The following TBC1D19 variants were observed in gnomAD, a reference collection of about 807,000 sequenced individuals.
The protein encoded by TBC1D19 is TBC1 domain family member 19.
A neutral mutation model predicts 89.0 loss-of-function variants in TBC1D19; 60 were observed. That is an observed-to-expected ratio of 0.67 (90% confidence interval 0.55 to 0.84). The LOEUF is 0.84. TBC1D19 is among the 40% of genes least tolerant of loss of function. The pLI is 0.00. For synonymous variants in TBC1D19, 189 were observed against 199.7 expected (o/e 0.95, Z 0.45); for missense variants, 500 against 610.8 (o/e 0.82, Z 1.91).
chr4:26,797,745 C>T, the TBC1D19 span, among the ~76,000 whole-genome samples: 1 of 152,040 alleles, frequency 6.6e-6, no homozygotes, highest in African/African-American at 2.4e-5. Flanking sequence ...AAGCCACATA[C>T]CTACATGTAA....
At chr4:26,712,711 A>C (rs544358439) in intron 13 of TBC1D19, among the ~76,000 whole-genome samples, 28 of 152,194 alleles carry the variant, frequency 1.8e-4, no homozygotes, top group African/African-American at 6.5e-4. Context: ...TATCTAGTGA[A>C]GGTCTTATGC....
At chr4:26,819,256 G>T in the TBC1D19 span, among the ~76,000 whole-genome samples, 1 of 152,202 alleles carries the variant, frequency 6.6e-6, no homozygotes. Flanking sequence ...TGAAGTTTGG[G>T]CACCAGTGGG....
At chr4:26,627,039 C>G (rs554079255) in intron 4 of TBC1D19, among the ~76,000 whole-genome samples, 3 of 152,020 alleles carry the variant, frequency 2.0e-5, no homozygotes, top group African/African-American at 7.2e-5. Flanking sequence ...TCCCTCCCCC[C>G]TCCGCCCACC....
rs376524415 is a variant in TBC1D19, at chr4:26,666,424, G to A, written c.664+19G>A. 2.4e-5 allele frequency: 39 copies of A among 1,594,482 alleles called. No individual in the cohort carries two copies. The highest frequency in any genetic ancestry group is 1.0e-4 in the South Asian group (9 of 89,214). On this transcript the variant is annotated intron_variant, in intron 9 of 20. Transcript: ENST00000264866. ...CCTCCTGGTTAGTATTTTTCCAACG[G>A]CATATAATTAATGATAAATGAGAGT...
At chr4:26,645,735 A>G (rs952262679) in intron 7 of TBC1D19, among the ~76,000 whole-genome samples, 19 of 152,234 alleles carry the variant, frequency 1.2e-4, no homozygotes, top group Non-Finnish European at 2.4e-4. Flanking sequence ...AGAATGGGAG[A>G]AAATTTTTGC....
At chr4:26,626,358 T>C (rs957111330) in intron 4 of TBC1D19, among the ~76,000 whole-genome samples, 1 of 152,152 alleles carries the variant, frequency 6.6e-6, no homozygotes, top group African/African-American at 2.4e-5. Flanking sequence ...ACATACAGTG[T>C]GATAAATATA....
Position 26,659,288 on chromosome 4 carries a change from AATC to A in TBC1D19, c.481-307_481-305del, listed in dbSNP as rs764609356. Among the ~76,000 whole-genome samples the A allele has an allele frequency of 1.7e-3, 253 of 152,264 alleles. 1 individual carries two copies. The highest frequency in any genetic ancestry group is 0.01 in the Middle Eastern group (3 of 294). ...ATCACCTTCTCTGGTAAAGTGTTAT[AATC>A]AAGCAATTTTTATTTTTTCTAACCA... On this transcript the variant is annotated intron_variant, in intron 7 of 20. Transcript: ENST00000264866.
At chr4:26,831,739 T>C in the TBC1D19 span, among the ~76,000 whole-genome samples, 2 of 152,120 alleles carry the variant, frequency 1.3e-5, no homozygotes, top group East Asian at 3.9e-4. Context: ...CATAGGTGCA[T>C]GCCACCACGC....
chr4:26,700,901 A>T (rs891360923), intron 13 of TBC1D19, among the ~76,000 whole-genome samples: 1 of 152,128 alleles, frequency 6.6e-6, no homozygotes, highest in Non-Finnish European at 1.5e-5. Context: ...TCTTTTAAAA[A>T]CACTAATCAA....
the TBC1D19 span, among the ~76,000 whole-genome samples, chr4:26,842,582 C>CCCTTCCTTTCTTTCTTTCTT: frequency 2.1e-4 from 20 of 95,460 alleles, no homozygotes; most frequent in Non-Finnish European, 4.1e-4. Context: ...CTTCCTCCCT[C>CCCTTCCTTTCTTTCTTTCTT]CCTTTCTTTC....
chr4:26,698,053 G>A (rs577815504), intron 13 of TBC1D19, among the ~76,000 whole-genome samples: 1 of 152,260 alleles, frequency 6.6e-6, no homozygotes, highest in South Asian at 2.1e-4. Flanking sequence ...ATTCAATTAG[G>A]AAAAGAGGAA....
At chr4:26,603,596 A>G (rs1350064474) in intron 1 of TBC1D19, among the ~76,000 whole-genome samples, 1 of 152,196 alleles carries the variant, frequency 6.6e-6, no homozygotes, top group Non-Finnish European at 1.5e-5. Flanking sequence ...AACCAAAACA[A>G]CACAGTACCA....
At chr4:26,634,148 C>CT (rs905876141) in intron 4 of TBC1D19, among the ~76,000 whole-genome samples, 2 of 150,808 alleles carry the variant, frequency 1.3e-5, no homozygotes, top group East Asian at 1.9e-4. Context: ...ATTTCCTTTT[C>CT]TTTTTTTACA....
the TBC1D19 span, among the ~76,000 whole-genome samples, chr4:26,811,553 G>A: frequency 6.6e-6 from 1 of 152,172 alleles, no homozygotes; most frequent in Admixed American, 6.5e-5. Flanking sequence ...CCCTAGAGAG[G>A]GTTCTTGGAT....
the TBC1D19 span, among the ~76,000 whole-genome samples, chr4:26,811,140 G>T: frequency 6.6e-6 from 1 of 152,146 alleles, no homozygotes; most frequent in African/African-American, 2.4e-5. Flanking sequence ...ATAAAGAAAA[G>T]GTTACACATA....
intron 7 of TBC1D19, among the ~76,000 whole-genome samples, chr4:26,654,167 A>C (rs1319926039): frequency 6.6e-6 from 1 of 152,178 alleles, no homozygotes; most frequent in African/African-American, 2.4e-5. Context: ...TTCTGGGTTG[A>C]AAATTCTTTT....
intron 13 of TBC1D19, among the ~76,000 whole-genome samples, chr4:26,711,072 CTT>C (rs1716152811): frequency 6.6e-6 from 1 of 152,102 alleles, no homozygotes. Flanking sequence ...GTTGCCATTG[CTT>C]TTGGCGTTTT....
chr4:26,657,384 C>T (rs1014244875), intron 7 of TBC1D19, among the ~76,000 whole-genome samples: 2 of 152,002 alleles, frequency 1.3e-5, no homozygotes, highest in Non-Finnish European at 2.9e-5. Flanking sequence ...TGGTTTCCAA[C>T]TTCATCCATG....
intron 7 of TBC1D19, among the ~76,000 whole-genome samples, chr4:26,643,292 T>C (rs1366133417): frequency 6.6e-6 from 1 of 152,128 alleles, no homozygotes; most frequent in Non-Finnish European, 1.5e-5. Flanking sequence ...ACCGCACAAC[T>C]ACATGGAAAC....
Sources: allele counts gnomAD v4.1 joint callset (sites outside exome capture counted in the v4.1 genomes callset), GRCh38; gene constraint gnomAD v4.1.1; transcripts MANE v1.5; gene names NCBI Gene and HGNC (gene_info 2026-07-23, HGNC 2026-07-21).